PTPN4: variants seen among roughly 807,000 people sequenced by gnomAD.
PTPN4 encodes the protein protein tyrosine phosphatase non-receptor type 4, also known as tyrosine-protein phosphatase non-receptor type 4.
In PTPN4, 49 loss-of-function variants were observed where a neutral mutation model predicts 135.5. The ratio of observed to expected loss-of-function variants is 0.36; its 90% confidence interval spans 0.29 to 0.46. The LOEUF (loss-of-function observed/expected upper bound fraction) is 0.46, where lower values mean the gene tolerates loss of function less well. Ranked by LOEUF, PTPN4 falls within the 20% of genes least tolerant of loss-of-function variation. PTPN4 has a pLI of 1.00. For missense variants in PTPN4, 860 were observed against 1,101.0 expected (o/e 0.78, Z 3.10); for synonymous variants, 333 against 369.9 (o/e 0.90, Z 1.14).
rs912183564 is a variant in PTPN4, at chr2:119,976,008, T to A, written c.2695-976T>A. On this transcript the variant is annotated intron_variant, in intron 26 of 26. Transcript: ENST00000263708. ...TTTTATTTATTTATTTATTTTTTTT[T>A]TTTTTGAGACGGAGTCTCGTTCTGT... Among the ~76,000 whole-genome samples, 162 of 149,850 alleles carry A rather than the reference T, an allele frequency of 1.1e-3. 3 individuals are homozygous for A. Among genetic ancestry groups the A allele is most frequent in the African/African-American group, 3.4e-3 (138 of 41,180 alleles).
intron 9 of PTPN4, among the ~76,000 whole-genome samples, chr2:119,895,062 T>C (rs1470996246): frequency 6.6e-6 from 1 of 152,176 alleles, no homozygotes. Context: ...TGTATAAAGA[T>C]AGAGGAAAAT....
chr2:119,981,790 T>A lies in PTPN4; in HGVS notation c.*4720T>A, dbSNP rs113717202. ...CTCTGTTTCTGCCAGAAGTTAGATA[T>A]TTTTTTATAGTCCTGATGAATTTGT... On this transcript the variant is annotated 3_prime_UTR_variant, in exon 27 of 27. Coordinates refer to ENST00000263708, the MANE Select transcript of PTPN4 (RefSeq NM_002830.4). 2.4e-3 allele frequency: 371 copies of A among 152,232 alleles called. 1 individual carries two copies. The highest frequency in any genetic ancestry group is 8.5e-3 in the African/African-American group (352 of 41,564). The allele number at this position is 152,232 out of a possible 1,614,324, so 9.4% of individuals were successfully genotyped here.
chr2:119,911,944 T>A (rs554034860), intron 10 of PTPN4, among the ~76,000 whole-genome samples: 5 of 152,248 alleles, frequency 3.3e-5, no homozygotes, highest in Admixed American at 3.3e-4. Context: ...CACCAGAAAT[T>A]AAAGCAAATG....
At chr2:119,925,066 T>TG (rs1678801274) in intron 12 of PTPN4, among the ~76,000 whole-genome samples, 1 of 152,146 alleles carries the variant, frequency 6.6e-6, no homozygotes, top group Non-Finnish European at 1.5e-5. Flanking sequence ...GACTGAACTC[T>TG]GACTGATACA....
intron 2 of PTPN4, among the ~76,000 whole-genome samples, chr2:119,855,842 T>C (rs1216401150): frequency 5.3e-5 from 8 of 152,100 alleles, no homozygotes; most frequent in Non-Finnish European, 1.0e-4. Flanking sequence ...CTGTCTTTGT[T>C]GCCCAGGCTG....
chr2:119,837,158 TGGACC>T (rs1677307234), intron 2 of PTPN4, among the ~76,000 whole-genome samples: 4 of 152,208 alleles, frequency 2.6e-5, no homozygotes, highest in Admixed American at 2.6e-4. Context: ...TGGCCACCCA[TGGACC>T]GGTTAGCATG....
intron 2 of PTPN4, among the ~76,000 whole-genome samples, chr2:119,846,435 A>G (rs907131974): frequency 1.3e-5 from 2 of 152,150 alleles, no homozygotes; most frequent in African/African-American, 4.8e-5. Flanking sequence ...TTTGTGTGAT[A>G]TTAGTATAGC....
intron 22 of PTPN4, among the ~76,000 whole-genome samples, chr2:119,958,983 A>G (rs183676039): frequency 1.5e-4 from 23 of 152,338 alleles, no homozygotes; most frequent in African/African-American, 4.1e-4. Flanking sequence ...GTAAGGCACT[A>G]CATAGAATGC....
intron 2 of PTPN4, among the ~76,000 whole-genome samples, chr2:119,847,661 T>C (rs1677525606): frequency 6.6e-6 from 1 of 152,154 alleles, no homozygotes; most frequent in Non-Finnish European, 1.5e-5. Flanking sequence ...CATTTACCTG[T>C]ACCAGTGCTC....
intron 2 of PTPN4, among the ~76,000 whole-genome samples, chr2:119,855,760 A>C (rs1677667290): frequency 6.6e-6 from 1 of 152,154 alleles, no homozygotes; most frequent in Non-Finnish European, 1.5e-5. Context: ...AAGGGTCTGG[A>C]ATTCCATGGG....
chr2:119,861,636 T>TA (rs1426307153), intron 2 of PTPN4, among the ~76,000 whole-genome samples: 3 of 152,246 alleles, frequency 2.0e-5, no homozygotes, highest in Non-Finnish European at 4.4e-5. Flanking sequence ...CTTTATTTTT[T>TA]ATCATTGGAT....
At chr2:119,837,614 C>G (rs1312497941) in intron 2 of PTPN4, among the ~76,000 whole-genome samples, 1 of 152,234 alleles carries the variant, frequency 6.6e-6, no homozygotes, top group Non-Finnish European at 1.5e-5. Flanking sequence ...ACGGCTAAAA[C>G]ACGCCCCCTG....
chr2:119,763,565 C>A (rs1690547742), intron 1 of PTPN4, among the ~76,000 whole-genome samples: 1 of 152,136 alleles, frequency 6.6e-6, no homozygotes, highest in South Asian at 2.1e-4. Context: ...GCTCATACTT[C>A]TAGTAAGTGG....
chr2:119,805,359 C>T (rs973488040), intron 1 of PTPN4, among the ~76,000 whole-genome samples: 2 of 152,094 alleles, frequency 1.3e-5, no homozygotes, highest in Admixed American at 1.3e-4. Flanking sequence ...TTATGAAGTC[C>T]TTGCCCATGC....
chr2:119,975,761 G>T (rs140017381), intron 26 of PTPN4, among the ~76,000 whole-genome samples: 72 of 151,936 alleles, frequency 4.7e-4, no homozygotes, highest in African/African-American at 1.5e-3. Context: ...TCCTCTATAT[G>T]GTTGTCATCA....
Position 119,965,484 on chromosome 2 carries a change from C to T in PTPN4, c.2410-13C>T. 1 of 1,593,688 alleles carries T rather than the reference C, an allele frequency of 6.3e-7. No individual in the cohort carries two copies. Among genetic ancestry groups the T allele is most frequent in the Admixed American group, 1.8e-5 (1 of 55,524 alleles). On this transcript the variant is annotated splice_polypyrimidine_tract_variant and intron_variant, in intron 24 of 26. Coordinates refer to ENST00000263708, the MANE Select transcript of PTPN4 (RefSeq NM_002830.4). ...ACATAAGTCAAGGTGCATAATTTTTCATTTGTTCTTAGAAAAATGAAAGTC... is the reference window on the plus strand; with the variant it reads ...ACATAAGTCAAGGTGCATAATTTTTTATTTGTTCTTAGAAAAATGAAAGTC...
intron 9 of PTPN4, among the ~76,000 whole-genome samples, chr2:119,899,593 G>A (rs1193683338): frequency 6.6e-6 from 1 of 152,046 alleles, no homozygotes; most frequent in East Asian, 1.9e-4. Context: ...CTTCCCTAAT[G>A]TATATCTTCT....
chr2:119,907,940 A>C (rs1377487161), intron 10 of PTPN4, among the ~76,000 whole-genome samples: 1 of 152,176 alleles, frequency 6.6e-6, no homozygotes, highest in African/African-American at 2.4e-5. Flanking sequence ...CAGTATATAA[A>C]AAATCAGCTC....
At chr2:119,857,009 T>C (rs1677690193) in intron 2 of PTPN4, among the ~76,000 whole-genome samples, 2 of 152,142 alleles carry the variant, frequency 1.3e-5, no homozygotes, top group Admixed American at 1.3e-4. Context: ...CTGAGTAAAA[T>C]GAGTAGTTCT....
Sources: gnomAD v4.1 joint callset for allele counts (sites outside exome capture counted in the v4.1 genomes callset) on GRCh38, gnomAD v4.1.1 for gene constraint, MANE v1.5 for transcripts, NCBI Gene and HGNC (gene_info 2026-07-23, HGNC 2026-07-21) for gene names.